Variants in TRMT44 observed in about 807,000 individuals in gnomAD.
TRMT44 encodes the protein probable tRNA (uracil-O(2)-)-methyltransferase.
TRMT44 carries 78 observed loss-of-function variants against 77.3 expected under a neutral mutation model. The ratio of observed to expected loss-of-function variants is 1.01; its 90% CI spans 0.84 to 1.22. TRMT44 has a LOEUF of 1.22. Ranked by LOEUF, TRMT44 falls within the 50% of genes most tolerant of loss-of-function variation. The pLI is 0.00. For synonymous variants in TRMT44, 391 were observed against 383.3 expected (o/e 1.02, Z -0.23); for missense variants, 1,090 against 964.4 (o/e 1.13, Z -1.73).
chr4:8,471,031 T>C (rs904389902), intron 9 of TRMT44, 53 bp from the exon 10 acceptor site: 99 of 1,252,810 alleles, frequency 7.9e-5, no homozygotes, highest in Non-Finnish European at 1.0e-4. Context: ...GTGTGACAGG[T>C]TCGTAATATT....
At chr4:8,481,424 T>C (rs1727609458), downstream of TRMT44, among the ~76,000 whole-genome samples, 1 of 152,192 alleles carries the variant, frequency 6.6e-6, no homozygotes, top group South Asian at 2.1e-4. Flanking sequence ...GTCACTCATA[T>C]TTGGCTCAGA....
chr4:8,499,595 TA>T, the TRMT44 span, among the ~76,000 whole-genome samples: 20 of 41,646 alleles, frequency 4.8e-4, no homozygotes, highest in Non-Finnish European at 1.0e-3. Context: ...AGGGTCGATT[TA>T]GTGTGTCCTG....
chr4:8,441,230 C>T lies in TRMT44; in HGVS notation c.408C>T (p.Asp136=). 1 of 1,535,586 alleles carries T rather than the reference C, an allele frequency of 6.5e-7. No individual in the cohort carries two copies. Among genetic ancestry groups the T allele is most frequent in the South Asian group, 1.2e-5 (1 of 83,908 alleles). The change falls in exon 1 of 11, where the codon GAC becomes GAT. Residue 136 remains aspartate (D), a synonymous_variant. Coordinates refer to ENST00000389737, the MANE Select transcript of TRMT44 (RefSeq NM_152544.3). The part of the protein sequence containing the change: ...HPGHAEGREG[D]FPAADLDSLW... ...GCCATGCTGAAGGAAGGGAGGGCGA[C>T]TTCCCCGCCGCAGATCTGGATTCGC...
chr4:8,491,487 C>T (rs1399698750), intron 2 of TRMT44, among the ~76,000 whole-genome samples: 5 of 152,184 alleles, frequency 3.3e-5, no homozygotes, highest in East Asian at 1.9e-4. Context: ...AGGCTCGGGC[C>T]GCACAGGAGC....
At chr4:8,511,647 C>T in the TRMT44 span, among the ~76,000 whole-genome samples, 1 of 151,396 alleles carries the variant, frequency 6.6e-6, no homozygotes, top group Admixed American at 6.6e-5. Context: ...GAATTCGGCT[C>T]AATCAAGGCT....
chr4:8,514,890 G>A, the TRMT44 span, among the ~76,000 whole-genome samples: 1 of 152,258 alleles, frequency 6.6e-6, no homozygotes, highest in Non-Finnish European at 1.5e-5. Flanking sequence ...GTTGGGAGGA[G>A]ACAGGGTGTG....
intron 3 of TRMT44, 67 bp downstream of exon 3, chr4:8,449,955 T>TTTTC: frequency 1.5e-6 from 1 of 688,142 alleles, no homozygotes; most frequent in Non-Finnish European, 2.1e-6. Flanking sequence ...TTTTCTTTTT[T>TTTTC]TTTTTTTTTT....
At chr4:8,496,812 G>A (rs1247166277), downstream of TRMT44, among the ~76,000 whole-genome samples, 3 of 150,496 alleles carry the variant, frequency 2.0e-5, no homozygotes, top group Non-Finnish European at 3.0e-5. Context: ...TTTAAAGCAC[G>A]AAATGGGGTT....
intron 2 of TRMT44, among the ~76,000 whole-genome samples, chr4:8,485,806 G>A (rs577414027): frequency 2.6e-5 from 4 of 152,268 alleles, no homozygotes; most frequent in Non-Finnish European, 4.4e-5. Flanking sequence ...AAAGAGTGTT[G>A]TCCAAGTTGG....
Position 8,475,971 on chromosome 4 carries a change from C to G in TRMT44, c.2244C>G (p.Pro748=). 6.2e-7 allele frequency: 1 copy of G among 1,614,068 alleles called. No individual in the cohort carries two copies. Among genetic ancestry groups the G allele is most frequent in the Admixed American group, 1.7e-5 (1 of 60,022 alleles). Reference sequence around the variant, plus strand: ...ATGGGCCTGCGGAGCTGCGGCCACCCCGGACCACCCCGAGGAAGAAGATTT... The same window carrying G: ...ATGGGCCTGCGGAGCTGCGGCCACCGCGGACCACCCCGAGGAAGAAGATTT... ...FAHGPAELRP[P]RTTPRKKIS is the part of the protein sequence containing the mutation. The change falls in exon 11 of 11, where the codon CCC becomes CCG. Residue 748 remains proline (P), a synonymous_variant. Coordinates refer to ENST00000389737, the MANE Select transcript of TRMT44 (RefSeq NM_152544.3).
rs970519422 is a variant in TRMT44 at position 8,444,234 on chromosome 4, C to T, written c.620-2242C>T. 5.9e-5 allele frequency among the ~76,000 whole-genome samples: 9 copies of T among 151,514 alleles called. No homozygotes were observed. The highest frequency in any genetic ancestry group is 8.8e-5 in the Non-Finnish European group (6 of 67,956). ...GGGTTTAAAAATCAAAACAATGGAACTCGTGGACATAGAGAGTGGAAGGAT... is the reference window on the plus strand; with the variant it reads ...GGGTTTAAAAATCAAAACAATGGAATTCGTGGACATAGAGAGTGGAAGGAT... On this transcript the variant is annotated intron_variant, in intron 1 of 10. Transcript: ENST00000389737. The surrounding 1 kb of genome is among the most constrained non-coding windows in gnomAD (Gnocchi z 4.0).
chr4:8,468,450 C>T (rs2109168095), intron 9 of TRMT44, 104 bp downstream of exon 9: 1 of 1,226,158 alleles, frequency 8.2e-7, no homozygotes, highest in Non-Finnish European at 1.2e-6. Flanking sequence ...CCTGTGACTA[C>T]ACACTTTGAA....
intron 9 of TRMT44, among the ~76,000 whole-genome samples, chr4:8,470,162 A>T (rs1394657560): frequency 6.6e-6 from 1 of 152,166 alleles, no homozygotes; most frequent in Admixed American, 6.5e-5. Flanking sequence ...CTTTTTTAAA[A>T]CACTCCCGCT....
intron 10 of TRMT44, 136 bp from the exon 11 acceptor site, chr4:8,475,636 A>T: frequency 1.3e-6 from 1 of 748,028 alleles, no homozygotes; most frequent in South Asian, 1.8e-5. Context: ...GACCAGCAGG[A>T]ACTCTAGGCT....
intron 2 of TRMT44, among the ~76,000 whole-genome samples, chr4:8,486,640 G>T (rs1727814041): frequency 1.3e-5 from 2 of 151,946 alleles, no homozygotes; most frequent in South Asian, 4.2e-4. Context: ...GCCGTGAACT[G>T]GGCTGGGTTT....
At chr4:8,497,919 G>A (rs373047024), downstream of TRMT44, among the ~76,000 whole-genome samples, 68 of 152,276 alleles carry the variant, frequency 4.5e-4, no homozygotes, top group Non-Finnish European at 7.2e-4. Flanking sequence ...ACTGGGGCTG[G>A]CGTGGGGGGG....
chr4:8,506,601 T>A, the TRMT44 span, among the ~76,000 whole-genome samples: 1 of 152,012 alleles, frequency 6.6e-6, no homozygotes, highest in Non-Finnish European at 1.5e-5. Flanking sequence ...CAGCCTGGGG[T>A]CCTCTCGGGC....
intron 2 of TRMT44, among the ~76,000 whole-genome samples, chr4:8,491,442 G>C (rs1728000708): frequency 6.6e-6 from 1 of 152,242 alleles, no homozygotes; most frequent in Non-Finnish European, 1.5e-5. Context: ...CGATGGGACT[G>C]GGTGCCGTGG....
chr4:8,468,438 GC>G, intron 9 of TRMT44, 92 bp downstream of exon 9: 1 of 1,300,264 alleles, frequency 7.7e-7, no homozygotes, highest in Non-Finnish European at 1.1e-6. Context: ...AAATGGTGTG[GC>G]CCTGTGACTA....
Sources: allele counts gnomAD v4.1 joint callset (sites outside exome capture counted in the v4.1 genomes callset), GRCh38; gene constraint gnomAD v4.1.1; non-coding constraint Gnocchi (gnomAD v3.1); transcripts MANE v1.5; gene names NCBI Gene and HGNC (gene_info 2026-07-23, HGNC 2026-07-21).